Variants in LRBA observed in about 807,000 individuals in gnomAD.
LRBA encodes lipopolysaccharide-responsive and beige-like anchor protein.
LRBA carries 176 observed loss-of-function variants against 330.0 expected under a neutral mutation model. The observed-to-expected ratio is 0.53, with a 90% confidence interval of 0.47 to 0.60. The LOEUF (loss-of-function observed/expected upper bound fraction) is 0.60, where lower values mean the gene tolerates loss of function less well. Ranked by LOEUF, LRBA falls within the 20% of genes least tolerant of loss-of-function variation. The pLI is 0.00. For synonymous variants in LRBA, 1,230 were observed against 1,193.0 expected (o/e 1.03, Z -0.64); for missense variants, 3,259 against 3,444.8 (o/e 0.95, Z 1.35).
At chr4:151,003,867 T>C (rs898560698) in intron 2 of LRBA, among the ~76,000 whole-genome samples, 6 of 151,208 alleles carry the variant, frequency 4.0e-5, no homozygotes, top group Non-Finnish European at 7.4e-5. Context: ...AATGAATATG[T>C]GTATCTATAG....
chr4:150,579,274 T>C (rs1425589720), intron 40 of LRBA: 1 of 456,492 alleles, frequency 2.2e-6, no homozygotes, highest in Non-Finnish European at 4.4e-6. Flanking sequence ...CGGATACCGT[T>C]TCCCCCTTCA....
chr4:150,286,611 C>T (rs950937798), intron 53 of LRBA, among the ~76,000 whole-genome samples: 1 of 102,902 alleles, frequency 9.7e-6, no homozygotes, highest in African/African-American at 4.0e-5. Flanking sequence ...CGAAAAAAAA[C>T]CCAATATAAG....
At chr4:150,268,488 C>T (rs1399557741) in intron 56 of LRBA, among the ~76,000 whole-genome samples, 1 of 152,188 alleles carries the variant, frequency 6.6e-6, no homozygotes. Flanking sequence ...CAAAAGAACA[C>T]ACAGACCAGG....
chr4:150,453,903 T>C (rs72734468), intron 44 of LRBA, among the ~76,000 whole-genome samples: 32,508 of 152,158 alleles, frequency 0.21, 4,342 homozygotes, highest in Non-Finnish European at 0.3. Flanking sequence ...GAATTCATAA[T>C]AGTCCTTCAT....
chr4:150,463,416 T>C (rs1581390285), intron 44 of LRBA, among the ~76,000 whole-genome samples: 1 of 152,026 alleles, frequency 6.6e-6, no homozygotes, highest in Admixed American at 6.6e-5. Flanking sequence ...AATATAAAAA[T>C]GAATGCCATT....
intron 37 of LRBA, among the ~76,000 whole-genome samples, chr4:150,618,815 T>C (rs1224154422): frequency 6.7e-6 from 1 of 148,790 alleles, no homozygotes; most frequent in Non-Finnish European, 1.5e-5. Context: ...ACAATAAACA[T>C]TATGTATACA....
At chr4:150,630,928 A>G (rs1436646487) in intron 37 of LRBA, among the ~76,000 whole-genome samples, 1 of 152,098 alleles carries the variant, frequency 6.6e-6, no homozygotes, top group Non-Finnish European at 1.5e-5. Flanking sequence ...AAACTCTTAA[A>G]TTTGTATTTT....
intron 34 of LRBA, among the ~76,000 whole-genome samples, chr4:150,775,747 T>C (rs1387244395): frequency 5.1e-5 from 7 of 137,076 alleles, no homozygotes; most frequent in Non-Finnish European, 7.6e-5. Context: ...TTGTGGTGAG[T>C]GCACAGAAAT....
At chr4:150,527,013 C>CT (rs149377678) in intron 40 of LRBA, among the ~76,000 whole-genome samples, 21,271 of 144,046 alleles carry the variant, frequency 0.15, 1,503 homozygotes, top group Middle Eastern at 0.18. Flanking sequence ...TTTTCTTCTA[C>CT]TTTTTTTTTT....
At chr4:150,279,016 G>C (rs929552269) in intron 55 of LRBA, among the ~76,000 whole-genome samples, 5 of 151,988 alleles carry the variant, frequency 3.3e-5, no homozygotes, top group African/African-American at 9.7e-5. Flanking sequence ...GTAGAGACGG[G>C]GTTTCACCAT....
chr4:150,691,227 G>T (rs906803345), intron 36 of LRBA, among the ~76,000 whole-genome samples: 1 of 151,990 alleles, frequency 6.6e-6, no homozygotes, highest in East Asian at 1.9e-4. Context: ...ACCATGCCTG[G>T]CCCAACACCT....
At chr4:150,894,467 T>C (rs1246256539) in intron 16 of LRBA, among the ~76,000 whole-genome samples, 2 of 152,162 alleles carry the variant, frequency 1.3e-5, no homozygotes, top group African/African-American at 4.8e-5. Flanking sequence ...CCAAAAAAAC[T>C]TCATGAAAAT....
intron 17 of LRBA, among the ~76,000 whole-genome samples, chr4:150,881,472 C>T (rs1728373977): frequency 6.6e-6 from 1 of 151,952 alleles, no homozygotes; most frequent in African/African-American, 2.4e-5. Context: ...ATAATGGGCA[C>T]TCATAGACAT....
chr4:150,346,062 C>A (rs1015162672), intron 48 of LRBA, among the ~76,000 whole-genome samples: 18 of 152,244 alleles, frequency 1.2e-4, no homozygotes, highest in African/African-American at 4.1e-4. Context: ...CCTGCCGTGG[C>A]CTTCCAAAAT....
intron 48 of LRBA, 54 bp downstream of exon 48, chr4:150,349,938 T>C (rs1248289903): frequency 2.0e-6 from 3 of 1,518,684 alleles, no homozygotes; most frequent in East Asian, 4.6e-5. Context: ...CTCTAGCTCC[T>C]TCTAGTTTAA....
chr4:150,926,635 A>C (rs1203927496), intron 4 of LRBA, among the ~76,000 whole-genome samples: 1 of 152,236 alleles, frequency 6.6e-6, no homozygotes, highest in Non-Finnish European at 1.5e-5. Flanking sequence ...AAAATCAATG[A>C]GTAAAAAACT....
chr4:150,552,865 C>T (rs192277392), intron 40 of LRBA, among the ~76,000 whole-genome samples: 33 of 151,580 alleles, frequency 2.2e-4, no homozygotes, highest in Admixed American at 3.9e-4. Context: ...GTCAGGAGAT[C>T]GAGACCATCC....
At position 150,410,443 on chromosome 4, in the gene LRBA, AT is replaced by A. The variant is rs1746814028; in HGVS notation, c.7194+4994del. 2.0e-5 allele frequency among the ~76,000 whole-genome samples: 3 copies of A among 152,146 alleles called. No homozygotes were observed. The South Asian group carries it at 6.2e-4, about 31-fold the overall frequency. On this transcript the variant is annotated intron_variant, in intron 47 of 56. Transcript: ENST00000651943. The stretch of plus-strand genomic sequence containing the variant: ...ATAATGGAAAGCAGATAGTATATTC[AT>A]TTTATTTTTCTTTACCTTGTTAAGT...
intron 53 of LRBA, among the ~76,000 whole-genome samples, chr4:150,289,461 A>G (rs1229421510): frequency 2.0e-5 from 3 of 152,172 alleles, no homozygotes; most frequent in African/African-American, 2.4e-5. Flanking sequence ...GAGAGAGAGA[A>G]AAAAAGAAAA....
Sources: allele counts gnomAD v4.1 joint callset (sites outside exome capture counted in the v4.1 genomes callset), GRCh38; gene constraint gnomAD v4.1.1; transcripts MANE v1.5; gene names NCBI Gene and HGNC (gene_info 2026-07-23, HGNC 2026-07-21).